The following SPSB3 variants were observed in gnomAD, a reference collection of about 807,000 sequenced individuals.
The protein encoded by SPSB3 is SPRY domain-containing SOCS box protein 3.
Under a neutral mutation model 29.5 loss-of-function variants are expected in SPSB3, and 18 were observed. That is an observed-to-expected ratio of 0.61 (90% CI 0.42 to 0.91). SPSB3 has a LOEUF of 0.91. Among genes scored for constraint, SPSB3 ranks in the 40% least tolerant of loss-of-function variants. The pLI is 0.00. For missense variants in SPSB3, 540 were observed against 507.5 expected (o/e 1.06, Z -0.61); for synonymous variants, 299 against 214.1 (o/e 1.40, Z -3.46).
In SPSB3 at chr16:1,778,116, T is replaced by G. The variant is rs776048536; in HGVS notation, c.492+18A>C. ...GGAGCCAGGTTCCCCAGAAGCACCC[T>G]GGGCCGAAGCAACTTACCATGTCGG... On this transcript the variant is annotated intron_variant, in intron 4 of 6. Transcript: ENST00000566339. 15 of 1,612,722 alleles carry G rather than the reference T, an allele frequency of 9.3e-6. No homozygotes were observed. The Admixed American group carries it at 2.5e-4, about 27-fold the overall frequency.
rs1272626212 is a variant in SPSB3 at position 1,777,416 on chromosome 16, T to C, written c.749A>G (p.Lys250Arg). 3 of 1,550,732 alleles carry C rather than the reference T, an allele frequency of 1.9e-6. No homozygotes were observed. In the African/African-American group the frequency reaches 4.1e-5, roughly 21 times the overall value. Residue 250 changes from lysine to arginine, a missense_variant, in exon 7 of 7, where the codon AAG (lysine) becomes AGG (arginine). Coordinates refer to ENST00000566339, the MANE Select transcript of SPSB3 (RefSeq NM_080861.4). ...GGAGCACACCATCGGGTAGAATCTC[T>C]TGTTCTGCAGCTTGGTGGCTGCCAC... ...IGVAATKLQN[K>R]RFYPMVCSTA...
chr16:1,777,180 A>C lies in SPSB3; in HGVS notation c.985T>G (p.Ser329Ala). ...GCGGAGGTCGCTGCCTGGGGATCGG[A>C]CACTGGAGCCTTGCGGCGGCTGCAA... ...MSCSRRKAPV[S>A]DPQAATSAHP... The change falls in exon 7 of 7, where the codon TCC becomes GCC. Residue 329 changes from serine (S) to alanine (A), a missense_variant. Transcript: ENST00000566339. The C allele has an allele frequency of 1.2e-6, 2 of 1,610,908 alleles. No individual in the cohort carries two copies. The highest frequency in any genetic ancestry group is 1.7e-6 in the Non-Finnish European group (2 of 1,179,842).
chr16:1,778,583 G>A lies in SPSB3; in HGVS notation c.156C>T (p.Tyr52=). Residue 52 remains tyrosine, a synonymous_variant, in exon 3 of 7, where the codon TAC becomes TAT. Coordinates refer to ENST00000566339, the MANE Select transcript of SPSB3 (RefSeq NM_080861.4). ...QHSDSDSDPE[Y]STLPPSIPSA... The stretch of plus-strand genomic sequence containing the variant: ...TGGGGATGGATGGCGGCAGCGTGGA[G>A]TACTCGGGGTCGGAGTCCGAGTCGC... 1 of 1,584,220 alleles carries A rather than the reference G, an allele frequency of 6.3e-7. No individual in the cohort carries two copies. The highest frequency in any genetic ancestry group is 8.6e-7 in the Non-Finnish European group (1 of 1,161,450).
chr16:1,782,326 G>C (rs960368713), intron 1 of SPSB3, 176 bp downstream of exon 1: 2 of 151,812 alleles, frequency 1.3e-5, no homozygotes, highest in African/African-American at 4.8e-5. Context: ...CGGCCTGGCT[G>C]TTCCCTCCCG....
intron 4 of SPSB3, 26 bp from the exon 5 acceptor site, chr16:1,778,074 C>T (rs367618296): frequency 5.0e-6 from 8 of 1,612,912 alleles, no homozygotes; most frequent in East Asian, 2.2e-5. Flanking sequence ...AGGCAGAGGG[C>T]GCGGGGCTGG....
intron 2 of SPSB3, chr16:1,780,988 C>T (rs781714800): frequency 2.5e-6 from 1 of 407,950 alleles, no homozygotes; most frequent in Non-Finnish European, 4.4e-6. Flanking sequence ...CAGCTTCAGC[C>T]TCCCAAAGTG....
chr16:1,777,820 C>G lies in SPSB3; in HGVS notation c.648G>C (p.Gln216His). The change falls in exon 6 of 7, where the codon CAG becomes CAC. Residue 216 changes from glutamine (Q) to histidine (H), a missense_variant. By Grantham distance (24) the Gln-to-His change is conservative. Transcript: ENST00000566339. ...CCAGGTGCACGCCAATGATGGAGCC[C>G]TGGCCGAACCGCGATGAGAAGCTGG... ...DKTSFSSRFG[Q>H]GSIIGVHLDT... 1 of 1,612,894 alleles carries G rather than the reference C, an allele frequency of 6.2e-7. No individual in the cohort carries two copies. Among genetic ancestry groups the G allele is most frequent in the Non-Finnish European group, 8.5e-7 (1 of 1,179,892 alleles).
chr16:1,776,748 C>CT lies in SPSB3; in HGVS notation c.*348dup, dbSNP rs2042718747. 4 of 394,392 alleles carry CT rather than the reference C, an allele frequency of 1.0e-5. No homozygotes were observed. In the South Asian group the frequency reaches 1.4e-4, roughly 14 times the overall value. 24.4% of individuals were successfully genotyped at this position (394,392 alleles called of 1,614,324 possible). A position where few individuals can be genotyped will look rare whatever the true frequency, so the allele number is the denominator to read the frequency against. On this transcript the variant is annotated 3_prime_UTR_variant, in exon 7 of 7. Coordinates refer to ENST00000566339, the MANE Select transcript of SPSB3 (RefSeq NM_080861.4). ...CATCAACTCTACATTTATTGCAGTC[C>CT]TTTAAGTCTATGACGGCGGGGCAGC... is the stretch of plus-strand genomic sequence containing the variant.
At position 1,777,949 on chromosome 16, in the gene SPSB3, T is replaced by TA; in HGVS notation, c.591_592insT (p.Thr198TyrfsTer195). The TA allele has an allele frequency of 6.2e-7, 1 of 1,612,276 alleles. No homozygotes were observed. The highest frequency in any genetic ancestry group is 8.5e-7 in the Non-Finnish European group (1 of 1,179,740). On this transcript the variant is annotated frameshift_variant, in exon 5 of 7. Coordinates refer to ENST00000566339, the MANE Select transcript of SPSB3 (RefSeq NM_080861.4). LOFTEE classifies it high-confidence loss of function. The stretch of plus-strand genomic sequence containing the variant: ...CCCCACCCTGGGCCTCACGCACCCG[T>TA]GTAGGAGAGGCCCCAGCTGTCCTCA...
At chr16:1,777,594 C>G (rs1332931058) in intron 6 of SPSB3, 151 bp from the exon 7 acceptor site, 29 of 1,396,582 alleles carry the variant, frequency 2.1e-5, no homozygotes. Flanking sequence ...CCACTCCAGC[C>G]TGGCCTCACT....
chr16:1,777,208 C>T lies in SPSB3; in HGVS notation c.957G>A (p.Met319Ile). The T allele has an allele frequency of 1.2e-6, 2 of 1,610,570 alleles. No homozygotes were observed. Among genetic ancestry groups the T allele is most frequent in the Non-Finnish European group, 1.7e-6 (2 of 1,179,832 alleles). Residue 319 changes from methionine to isoleucine, a missense_variant, in exon 7 of 7, where the codon ATG (methionine) becomes ATA (isoleucine). By Grantham distance (10) the Met-to-Ile change is conservative. Coordinates refer to ENST00000566339, the MANE Select transcript of SPSB3 (RefSeq NM_080861.4). ...CTGGAGCCTTGCGGCGGCTGCAACT[C>T]ATGCTCAGGACCCAGCCCAGCTTGT... Reference protein sequence around the residue: ...LHNKLGWVLSMSCSRRKAPVS... With the variant: ...LHNKLGWVLSISCSRRKAPVS...
intron 1 of SPSB3, chr16:1,781,765 C>T: frequency 4.1e-6 from 2 of 484,722 alleles, no homozygotes; most frequent in Non-Finnish European, 3.7e-6. Flanking sequence ...ACCTCACGAA[C>T]CTGGCTGCCC....
chr16:1,779,533 C>G (rs747345641), intron 2 of SPSB3: 1 of 152,360 alleles, frequency 6.6e-6, no homozygotes, highest in African/African-American at 2.4e-5. Flanking sequence ...GGACACTGTC[C>G]TTTCTGGAGG....
At position 1,778,120 on chromosome 16, in the gene SPSB3, C is replaced by T; in HGVS notation, c.492+14G>A. The stretch of plus-strand genomic sequence containing the variant: ...CCAGGTTCCCCAGAAGCACCCTGGG[C>T]CGAAGCAACTTACCATGTCGGTGCC... On this transcript the variant is annotated intron_variant, in intron 4 of 6. Transcript: ENST00000566339. 3 of 1,612,744 alleles carry T rather than the reference C, an allele frequency of 1.9e-6. No homozygotes were observed. The highest frequency in any genetic ancestry group is 2.5e-6 in the Non-Finnish European group (3 of 1,179,750).
At position 1,781,471 on chromosome 16, in the gene SPSB3, G is replaced by T. The variant is rs1482116543; in HGVS notation, c.13C>A (p.Pro5Thr). MARRPRNSRAWHFVL... is the reference protein window; with the variant it reads MARRTRNSRAWHFVL... ...AAGTGCCAGGCCCTGCTGTTCCGGGGGCGTCTGGCCATGGTGGAAAGAATC... is the reference window on the plus strand; with the variant it reads ...AAGTGCCAGGCCCTGCTGTTCCGGGTGCGTCTGGCCATGGTGGAAAGAATC... The change falls in exon 2 of 7, where the codon CCC becomes ACC. Residue 5 changes from proline to threonine, a missense_variant. Coordinates refer to ENST00000566339, the MANE Select transcript of SPSB3 (RefSeq NM_080861.4). The T allele has an allele frequency of 1.9e-6, 3 of 1,612,428 alleles. No homozygotes were observed. Among genetic ancestry groups the T allele is most frequent in the Non-Finnish European group, 2.5e-6 (3 of 1,179,888 alleles).
chr16:1,777,204 A>C lies in SPSB3; in HGVS notation c.961T>G (p.Cys321Gly), dbSNP rs985793414. The change falls in exon 7 of 7, where the codon TGC (cysteine) becomes GGC (glycine). Residue 321 changes from cysteine to glycine, a missense_variant. Transcript: ENST00000566339. ...NKLGWVLSMSCSRRKAPVSDP... is the reference protein window; with the variant it reads ...NKLGWVLSMSGSRRKAPVSDP... The stretch of plus-strand genomic sequence containing the variant: ...GACACTGGAGCCTTGCGGCGGCTGC[A>C]ACTCATGCTCAGGACCCAGCCCAGC... 2.5e-6 allele frequency: 4 copies of C among 1,610,398 alleles called. No individual in the cohort carries two copies. The Admixed American group carries it at 5.0e-5, about 20-fold the overall frequency.
rs750414385 is a variant in SPSB3, at chr16:1,777,755, T to C, written c.713A>G (p.Lys238Arg). 3 of 1,612,432 alleles carry C rather than the reference T, an allele frequency of 1.9e-6. No homozygotes were observed. The highest frequency in any genetic ancestry group is 1.1e-5 in the South Asian group (1 of 91,030). ...HGTLTFFKNR[K>R]CIGVAATKLQ... Reference sequence around the variant, plus strand: ...TCCTGTGACGGCCTCACCTATACACTTCCTGTTCTTGAAAAAGGTGAGTGT... The same window carrying C: ...TCCTGTGACGGCCTCACCTATACACCTCCTGTTCTTGAAAAAGGTGAGTGT... Residue 238 changes from lysine (K) to arginine (R), a missense_variant, in exon 6 of 7, where the codon AAG becomes AGG. By Grantham distance (26) the Lys-to-Arg change is conservative. Coordinates refer to ENST00000566339, the MANE Select transcript of SPSB3 (RefSeq NM_080861.4).
chr16:1,778,619 G>A lies in SPSB3; in HGVS notation c.127-7C>T, dbSNP rs370951208. On this transcript the variant is annotated splice_polypyrimidine_tract_variant and splice_region_variant and intron_variant, in intron 2 of 6. Transcript: ENST00000566339. ...CGGAGTCCGAGTCGCTGTGCTGGGA[G>A]AGAAGGGCCGGCTGTTACTACCTGT... 6.5e-7 allele frequency: 1 copy of A among 1,539,148 alleles called. No individual in the cohort carries two copies. Among genetic ancestry groups the A allele is most frequent in the Admixed American group, 1.8e-5 (1 of 54,188 alleles).
In SPSB3 at chr16:1,777,220, C is replaced by T; in HGVS notation, c.945G>A (p.Trp315Ter). 1 of 1,610,776 alleles carries T rather than the reference C, an allele frequency of 6.2e-7. No homozygotes were observed. Among genetic ancestry groups the T allele is most frequent in the East Asian group, 2.2e-5 (1 of 44,870 alleles). The change falls in exon 7 of 7, where the codon TGG becomes TGA. Residue 315 changes from tryptophan (W) to a stop codon, truncating the protein, a stop_gained. Transcript: ENST00000566339. LOFTEE classifies it low-confidence loss of function (END_TRUNC). ...LKQVLHNKLG[W>*]VLSMSCSRRK... Reference sequence around the variant, plus strand: ...GGCGGCTGCAACTCATGCTCAGGACCCAGCCCAGCTTGTTGTGTAGCACCT... The same window carrying T: ...GGCGGCTGCAACTCATGCTCAGGACTCAGCCCAGCTTGTTGTGTAGCACCT...
Sources: gnomAD v4.1 joint callset for allele counts on GRCh38, gnomAD v4.1.1 for gene constraint, MANE v1.5 for transcripts, NCBI Gene and HGNC (gene_info 2026-07-23, HGNC 2026-07-21) for gene names.